The following KCNJ4 variants were observed in gnomAD, a reference collection of about 807,000 sequenced individuals.
The protein encoded by KCNJ4 is inward rectifier potassium channel 4.
Under a neutral mutation model 25.6 loss-of-function variants are expected in KCNJ4, and 3 were observed. The observed-to-expected ratio is 0.12, with a 90% CI of 0.05 to 0.30. The LOEUF is 0.30. Ranked by LOEUF, KCNJ4 falls within the 10% of genes least tolerant of loss-of-function variation. The pLI, the probability that KCNJ4 is intolerant of heterozygous loss-of-function variation, is 1.00. For missense variants in KCNJ4, 286 were observed against 666.8 expected (o/e 0.43, Z 6.29); for synonymous variants, 257 against 283.9 (o/e 0.91, Z 0.95).
intron 1 of KCNJ4, among the ~76,000 whole-genome samples, chr22:38,451,120 G>A (rs1203984051): frequency 6.6e-6 from 1 of 152,238 alleles, no homozygotes; most frequent in East Asian, 1.9e-4. Context: ...TGCCTGGCGA[G>A]CAAATGTGTT....
At position 38,427,549 on chromosome 22, in the gene KCNJ4, A is replaced by G; in HGVS notation, c.584T>C (p.Val195Ala). 6.2e-7 allele frequency: 1 copy of G among 1,611,040 alleles called. No individual in the cohort carries two copies. The highest frequency in any genetic ancestry group is 8.5e-7 in the Non-Finnish European group (1 of 1,178,138). The change falls in exon 2 of 2, where the codon GTG becomes GCG. Residue 195 changes from valine (V) to alanine (A), a missense_variant. By Grantham distance (64) the Val-to-Ala change is moderately conservative. Around this residue, in one of 11 missense-constraint regions of KCNJ4, gnomAD observed 15 missense variants for 29.9 expected, o/e 0.50. Coordinates refer to ENST00000303592, the MANE Select transcript of KCNJ4 (RefSeq NM_152868.3). ...CATGAGGCAGAGCTTGCCGTCGCGC[A>G]CCGAAATGACCGCGTGGTGGCTGAA... ...LLFSHHAVIS[V>A]RDGKLCLMWR...
chr22:38,428,213 GGGGCTC>G (rs1235065628), intron 1 of KCNJ4, 42 bp from the exon 2 acceptor site: 90 of 1,506,320 alleles, frequency 6.0e-5, no homozygotes, highest in Non-Finnish European at 7.9e-5. Context: ...TGGGGAGCGA[GGGGCTC>G]CCTCGGGGCC....
chr22:38,433,491 A>G (rs547218114), intron 1 of KCNJ4, among the ~76,000 whole-genome samples: 1 of 151,984 alleles, frequency 6.6e-6, no homozygotes, highest in East Asian at 1.9e-4. Flanking sequence ...GATTATTACT[A>G]TTTTTTATAG....
chr22:38,440,884 G>A (rs2089327714), intron 1 of KCNJ4, among the ~76,000 whole-genome samples: 1 of 152,214 alleles, frequency 6.6e-6, no homozygotes, highest in Non-Finnish European at 1.5e-5. Flanking sequence ...GTGTGCAGTG[G>A]CTTTGAACAT....
chr22:38,438,239 CAAAA>C (rs57825965), intron 1 of KCNJ4, among the ~76,000 whole-genome samples: 2 of 22,670 alleles, frequency 8.8e-5, no homozygotes, highest in African/African-American at 1.6e-4. Context: ...TACTCTGTCT[CAAAA>C]AAAAAAAAAA....
chr22:38,443,936 G>T lies in KCNJ4; in HGVS notation c.-40+11044C>A, dbSNP rs2089355596. Among the ~76,000 whole-genome samples the T allele has an allele frequency of 6.6e-6, 1 of 151,912 alleles. No homozygotes were observed. Among genetic ancestry groups the T allele is most frequent in the Non-Finnish European group, 1.5e-5 (1 of 67,970 alleles). On this transcript the variant is annotated intron_variant, in intron 1 of 1. Coordinates refer to ENST00000303592, the MANE Select transcript of KCNJ4 (RefSeq NM_152868.3). This position sits in a 1 kb window ranked among gnomAD's most constrained non-coding sequence, Gnocchi z 4.1. ...TGCACCCCCTCCACTCTCCAACCAC[G>T]GGAAGAGACCTTCCTTCCCGTCCCT...
intron 1 of KCNJ4, among the ~76,000 whole-genome samples, chr22:38,445,074 C>T (rs1388524737): frequency 2.6e-5 from 4 of 151,392 alleles, no homozygotes; most frequent in East Asian, 1.9e-4. Flanking sequence ...CGTGTGTGTG[C>T]GTGTGTGTGT....
intron 1 of KCNJ4, among the ~76,000 whole-genome samples, chr22:38,454,560 A>G (rs1434872605): frequency 6.6e-6 from 1 of 152,152 alleles, no homozygotes; most frequent in East Asian, 1.9e-4. Flanking sequence ...TTCGTTCTTC[A>G]GATCACAGGG....
Position 38,443,385 on chromosome 22 carries a change from C to T in KCNJ4, c.-40+11595G>A, listed in dbSNP as rs1305702480. ...CAGGCAGCTACAAGCCCACTTGGCT[C>T]CTGCTCCCTGTGTCTGCTGGACAGT... On this transcript the variant is annotated intron_variant, in intron 1 of 1. Coordinates refer to ENST00000303592, the MANE Select transcript of KCNJ4 (RefSeq NM_152868.3). The surrounding 1 kb of genome is among the most constrained non-coding windows in gnomAD (Gnocchi z 4.1). 6.6e-6 allele frequency among the ~76,000 whole-genome samples: 1 copy of T among 152,112 alleles called. No individual in the cohort carries two copies. Among genetic ancestry groups the T allele is most frequent in the Non-Finnish European group, 1.5e-5 (1 of 68,008 alleles).
At chr22:38,441,655 G>T (rs1386640600) in intron 1 of KCNJ4, among the ~76,000 whole-genome samples, 1 of 152,196 alleles carries the variant, frequency 6.6e-6, no homozygotes, top group Non-Finnish European at 1.5e-5. Flanking sequence ...AAGAAGTGGC[G>T]TGGGAGCAGG....
chr22:38,437,323 T>C (rs755480525), intron 1 of KCNJ4, among the ~76,000 whole-genome samples: 10 of 152,186 alleles, frequency 6.6e-5, no homozygotes, highest in African/African-American at 9.7e-5. Context: ...CTTTGCTGAA[T>C]TGCTGACGCC....
rs2093038239 is a variant in KCNJ4 at position 38,428,004 on chromosome 22, C to T, written c.129G>A (p.Met43Ile). 3.1e-6 allele frequency: 5 copies of T among 1,614,098 alleles called. No individual in the cohort carries two copies. Among genetic ancestry groups the T allele is most frequent in the Non-Finnish European group, 4.2e-6 (5 of 1,180,020 alleles). The change falls in exon 2 of 2, where the codon ATG becomes ATA. Residue 43 changes from methionine to isoleucine, a missense_variant. Met to Ile is a conservative substitution (Grantham distance 10). Around this residue, in one of 11 missense-constraint regions of KCNJ4, gnomAD observed 36 missense variants for 103.2 expected, o/e 0.35. Transcript: ENST00000303592. ...ANLSNKSQRY[M>I]ADIFTTCVDT... is the part of the protein sequence containing the mutation. ...CCACGCAGGTGGTGAAGATGTCCGC[C>T]ATGTAGCGCTGCGACTTGTTGCTCA... is the stretch of plus-strand genomic sequence containing the variant.
At chr22:38,429,103 A>G (rs196061) in intron 1 of KCNJ4, among the ~76,000 whole-genome samples, 81,246 of 128,412 alleles carry the variant, frequency 0.63, 26,682 homozygotes, top group East Asian at 0.92. Flanking sequence ...AAAAAAAAAA[A>G]AAAGAAAGAA....
chr22:38,448,578 A>T (rs1224072882), intron 1 of KCNJ4, among the ~76,000 whole-genome samples: 2 of 152,028 alleles, frequency 1.3e-5, no homozygotes, highest in African/African-American at 4.8e-5. Flanking sequence ...AGAGACCCAG[A>T]CCCTGCTCGC....
chr22:38,436,077 A>G (rs950136039), intron 1 of KCNJ4, among the ~76,000 whole-genome samples: 4 of 152,150 alleles, frequency 2.6e-5, no homozygotes, highest in Non-Finnish European at 5.9e-5. Context: ...TGGAGCCTCT[A>G]AACAACTTTG....
chr22:38,448,103 G>T (rs1044896428), intron 1 of KCNJ4, among the ~76,000 whole-genome samples: 6 of 150,758 alleles, frequency 4.0e-5, no homozygotes, highest in African/African-American at 1.5e-4. Flanking sequence ...AAAAGTAGCC[G>T]GGCATGGTGG....
At position 38,449,613 on chromosome 22, in the gene KCNJ4, G is replaced by A. The variant is rs2089398173; in HGVS notation, c.-40+5367C>T. ...GAGCAGGTGGGGCAACGGGTGCAGA[G>A]GGAGGGGCAGGGGCCACACGCCAGC... On this transcript the variant is annotated intron_variant, in intron 1 of 1. Transcript: ENST00000303592. The surrounding 1 kb of genome is among the most constrained non-coding windows in gnomAD (Gnocchi z 5.2). Among the ~76,000 whole-genome samples the A allele has an allele frequency of 6.6e-6, 1 of 152,320 alleles. No individual in the cohort carries two copies. Among genetic ancestry groups the A allele is most frequent in the Non-Finnish European group, 1.5e-5 (1 of 68,018 alleles).
At chr22:38,447,892 C>T (rs1434418784) in intron 1 of KCNJ4, among the ~76,000 whole-genome samples, 1 of 151,822 alleles carries the variant, frequency 6.6e-6, no homozygotes, top group African/African-American at 2.4e-5. Flanking sequence ...GGTGAAACTT[C>T]GTCTCTACTA....
chr22:38,449,078 TC>T lies in KCNJ4; in HGVS notation c.-40+5901del, dbSNP rs2089395220. Among the ~76,000 whole-genome samples, 1 of 151,902 alleles carries T rather than the reference TC, an allele frequency of 6.6e-6. No individual in the cohort carries two copies. Among genetic ancestry groups the T allele is most frequent in the Non-Finnish European group, 1.5e-5 (1 of 67,944 alleles). ...AATGTCTCTCTGGGGCACCTCACCC[TC>T]CCCTGCCTGCCAAGGCCAGACGTCC... is the stretch of plus-strand genomic sequence containing the variant. On this transcript the variant is annotated intron_variant, in intron 1 of 1. Coordinates refer to ENST00000303592, the MANE Select transcript of KCNJ4 (RefSeq NM_152868.3). The surrounding 1 kb of genome is among the most constrained non-coding windows in gnomAD (Gnocchi z 5.2).
Sources: gnomAD v4.1 joint callset for allele counts (sites outside exome capture counted in the v4.1 genomes callset) on GRCh38, gnomAD v4.1.1 for gene constraint, gnomAD v4.1.1 regional missense constraint, Gnocchi (gnomAD v3.1) non-coding constraint, MANE v1.5 for transcripts, NCBI Gene and HGNC (gene_info 2026-07-23, HGNC 2026-07-21) for gene names.